Variants in SUGCT observed in about 807,000 individuals in gnomAD.
SUGCT encodes the protein succinyl-CoA:glutarate-CoA transferase.
In SUGCT, 41 loss-of-function variants were observed where a neutral mutation model predicts 55.0. That is an observed-to-expected ratio of 0.74 (90% CI 0.58 to 0.97). SUGCT has a LOEUF of 0.97. Ranked by LOEUF, SUGCT falls within the 50% of genes least tolerant of loss-of-function variation. SUGCT has a pLI of 0.00. For missense variants in SUGCT, 568 were observed against 547.8 expected (o/e 1.04, Z -0.37); for synonymous variants, 187 against 200.4 (o/e 0.93, Z 0.56).
intron 6 of SUGCT, among the ~76,000 whole-genome samples, chr7:40,205,226 G>T (rs1466140629): frequency 6.6e-6 from 1 of 152,008 alleles, no homozygotes; most frequent in Non-Finnish European, 1.5e-5. Context: ...CTGCACTCCA[G>T]CCTGGGCGAC....
At chr7:41,038,241 A>G in the SUGCT span, among the ~76,000 whole-genome samples, 6 of 152,164 alleles carry the variant, frequency 3.9e-5, no homozygotes, top group Non-Finnish European at 7.3e-5. Flanking sequence ...AGGTTGCTAC[A>G]GGGCTGTGTG....
At chr7:40,175,185 A>C (rs1166925199) in intron 1 of SUGCT, among the ~76,000 whole-genome samples, 1 of 151,388 alleles carries the variant, frequency 6.6e-6, no homozygotes, top group African/African-American at 2.4e-5. Context: ...TTTATCTTCT[A>C]ATTGTGTTCA....
chr7:40,277,113 G>A (rs75955694), intron 8 of SUGCT, among the ~76,000 whole-genome samples: 3,946 of 152,060 alleles, frequency 0.026, 163 homozygotes, highest in African/African-American at 0.09. Flanking sequence ...ATTTGCTTTT[G>A]GCAAAAAAAG....
At chr7:40,545,125 T>A (rs1253845986) in intron 12 of SUGCT, among the ~76,000 whole-genome samples, 1 of 152,190 alleles carries the variant, frequency 6.6e-6, no homozygotes, top group Non-Finnish European at 1.5e-5. Flanking sequence ...GTTTGTTTTA[T>A]AAATGAAGGT....
chr7:40,249,856 G>A (rs1790242431), intron 7 of SUGCT, among the ~76,000 whole-genome samples: 2 of 152,022 alleles, frequency 1.3e-5, no homozygotes, highest in Non-Finnish European at 1.5e-5. Flanking sequence ...GCGCGATCTC[G>A]GCTCACCGCA....
intron 7 of SUGCT, among the ~76,000 whole-genome samples, chr7:40,266,716 A>C (rs867697459): frequency 1.3e-5 from 2 of 152,078 alleles, no homozygotes; most frequent in Non-Finnish European, 1.5e-5. Context: ...GACAGAGTAT[A>C]AGAAAATAAC....
chr7:40,839,555 A>G (rs1056543533), intron 13 of SUGCT, among the ~76,000 whole-genome samples: 3 of 152,164 alleles, frequency 2.0e-5, no homozygotes, highest in Non-Finnish European at 2.9e-5. Flanking sequence ...CTTTTTTAGA[A>G]AATTTTAAAT....
intron 13 of SUGCT, among the ~76,000 whole-genome samples, chr7:40,819,134 T>C (rs1211239214): frequency 1.3e-5 from 2 of 152,096 alleles, no homozygotes; most frequent in African/African-American, 2.4e-5. Context: ...ATGTGCCACA[T>C]TTTCTTAATC....
intron 9 of SUGCT, 98 bp downstream of exon 9, chr7:40,316,953 C>CTTTTTTTTT (rs1554309222): frequency 7.6e-4 from 139 of 183,616 alleles, no homozygotes; most frequent in South Asian, 1.2e-3. Context: ...AATCCTTCAG[C>CTTTTTTTTT]TGTTTTTTTT....
At chr7:40,857,342 A>C (rs1054881604) in intron 13 of SUGCT, among the ~76,000 whole-genome samples, 3 of 152,186 alleles carry the variant, frequency 2.0e-5, no homozygotes, top group Non-Finnish European at 4.4e-5. Flanking sequence ...GCAAGAACAG[A>C]TTTCAAATGG....
chr7:40,820,917 T>C (rs1313466166), intron 13 of SUGCT, among the ~76,000 whole-genome samples: 1 of 152,194 alleles, frequency 6.6e-6, no homozygotes, highest in Non-Finnish European at 1.5e-5. Flanking sequence ...AAATAGCTCT[T>C]ATTATTTTGA....
At chr7:40,454,005 A>T (rs1789332526) in intron 10 of SUGCT, among the ~76,000 whole-genome samples, 1 of 152,224 alleles carries the variant, frequency 6.6e-6, no homozygotes, top group African/African-American at 2.4e-5. Context: ...TTAAAAGTAT[A>T]ATAACCAAGA....
At chr7:41,004,853 A>G in the SUGCT span, among the ~76,000 whole-genome samples, 1 of 152,244 alleles carries the variant, frequency 6.6e-6, no homozygotes, top group Non-Finnish European at 1.5e-5. Flanking sequence ...TGAAACAAGT[A>G]ACTGATCCCT....
intron 12 of SUGCT, among the ~76,000 whole-genome samples, chr7:40,614,637 A>C (rs985388456): frequency 6.6e-6 from 1 of 152,224 alleles, no homozygotes; most frequent in Non-Finnish European, 1.5e-5. Flanking sequence ...ACAAACACAA[A>C]ATTGTTGAAA....
At chr7:40,596,325 C>T (rs1798008238) in intron 12 of SUGCT, among the ~76,000 whole-genome samples, 1 of 152,110 alleles carries the variant, frequency 6.6e-6, no homozygotes, top group Non-Finnish European at 1.5e-5. Context: ...GGGAGTACAT[C>T]ATGTCCTTGG....
intron 12 of SUGCT, among the ~76,000 whole-genome samples, chr7:40,554,230 G>C (rs1407592611): frequency 6.6e-6 from 1 of 152,196 alleles, no homozygotes; most frequent in Non-Finnish European, 1.5e-5. Context: ...AATCTGCGCA[G>C]ATGATAACTT....
chr7:40,725,054 T>C (rs1352757946), intron 12 of SUGCT, among the ~76,000 whole-genome samples: 1 of 152,180 alleles, frequency 6.6e-6, no homozygotes, highest in Non-Finnish European at 1.5e-5. Context: ...GGAGCTGTCG[T>C]GGGGCTCTTT....
At chr7:41,031,708 C>T in the SUGCT span, among the ~76,000 whole-genome samples, 1 of 152,296 alleles carries the variant, frequency 6.6e-6, no homozygotes, top group South Asian at 2.1e-4. Flanking sequence ...TTAGATCATA[C>T]TTACCATTTC....
chr7:40,593,353 A>G (rs1478702507), intron 12 of SUGCT, among the ~76,000 whole-genome samples: 1 of 152,116 alleles, frequency 6.6e-6, no homozygotes, highest in Non-Finnish European at 1.5e-5. Context: ...GCATGGTCAA[A>G]CCGTATTATC....
Sources: allele counts gnomAD v4.1 joint callset (sites outside exome capture counted in the v4.1 genomes callset), GRCh38; gene constraint gnomAD v4.1.1; transcripts MANE v1.5; gene names NCBI Gene and HGNC (gene_info 2026-07-23, HGNC 2026-07-21).